The following TCF20 variants were observed in gnomAD, a reference collection of about 807,000 sequenced individuals.
TCF20 encodes the protein SPRE-binding protein.
In TCF20, 3 loss-of-function variants were observed where a neutral mutation model predicts 148.6. The observed-to-expected ratio is 0.02, with a 90% CI of 0.01 to 0.05. The LOEUF (loss-of-function observed/expected upper bound fraction) is 0.05. Among genes scored for constraint, TCF20 ranks in the 10% least tolerant of loss-of-function variants. TCF20 has a pLI of 1.00. For missense variants in TCF20, 2,350 were observed against 2,429.3 expected, an observed-to-expected ratio of 0.97 and a Z score of 0.69; for synonymous variants, 1,049 against 909.5, an observed-to-expected ratio of 1.15 and a Z score of -2.76.
In TCF20 at chr22:42,211,728, C is replaced by A; in HGVS notation, c.3578G>T (p.Arg1193Leu). 1 of 1,614,094 alleles carries A rather than the reference C, an allele frequency of 6.2e-7. No individual in the cohort carries two copies. The highest frequency in any genetic ancestry group is 1.3e-5 in the African/African-American group (1 of 75,014). ...KLQESCWDLS[R>L]QTSPAKSSGP... The stretch of plus-strand genomic sequence containing the variant: ...GCTGCTTTTGGCTGGAGAAGTTTGC[C>A]GAGAAAGATCCCAACAGGATTCTTG... Residue 1193 changes from arginine (R) to leucine (L), a missense_variant, in exon 2 of 6, where the codon CGG becomes CTG. Physicochemically the swap from Arg to Leu is moderately radical, Grantham distance 102. This residue lies in a region of TCF20 where 1,641 missense variants were observed against 1,662.6 expected (regional missense o/e 0.99). Coordinates refer to ENST00000677622, the MANE Select transcript of TCF20 (RefSeq NM_001378418.1).
At chr22:42,244,003 G>C (rs1369564767) in intron 1 of TCF20, among the ~76,000 whole-genome samples, 2 of 151,874 alleles carry the variant, frequency 1.3e-5, no homozygotes, top group Non-Finnish European at 2.9e-5. Flanking sequence ...CCAGGAGTTA[G>C]GAGACCAGCC....
intron 4 of TCF20, among the ~76,000 whole-genome samples, chr22:42,169,020 C>A (rs1160998010): frequency 2.0e-5 from 3 of 151,806 alleles, no homozygotes; most frequent in Non-Finnish European, 2.9e-5. Context: ...TAAAGAAAAG[C>A]ATAAGCAAGC....
At position 42,299,584 on chromosome 22, in the gene TCF20, C is replaced by T. The variant is rs773094563; in HGVS notation, c.-37+43895G>A. Among the ~76,000 whole-genome samples, 47 of 152,170 alleles carry T rather than the reference C, an allele frequency of 3.1e-4. No individual in the cohort carries two copies. The highest frequency in any genetic ancestry group is 9.8e-4 in the Admixed American group (15 of 15,286). Reference sequence around the variant, plus strand: ...GGGGAATCACATGTCCCACTGGTCACCAGTCCCTCTTGCCTTTCTGTCCCA... The same window carrying T: ...GGGGAATCACATGTCCCACTGGTCATCAGTCCCTCTTGCCTTTCTGTCCCA... On this transcript the variant is annotated intron_variant, in intron 1 of 1. Transcript: ENST00000515426. The surrounding 1 kb of genome is among the most constrained non-coding windows in gnomAD (Gnocchi z 4.1).
intron 3 of TCF20, 126 bp from the exon 4 acceptor site, chr22:42,170,022 A>C: frequency 1.2e-6 from 1 of 816,044 alleles, no homozygotes; most frequent in South Asian, 1.6e-5. Context: ...CTAATAGGAA[A>C]ACATTAGAGA....
chr22:42,180,902 A>G (rs569723339), intron 2 of TCF20, among the ~76,000 whole-genome samples: 1 of 152,356 alleles, frequency 6.6e-6, no homozygotes, highest in East Asian at 1.9e-4. Flanking sequence ...AAGGGCTGGA[A>G]GAGATTAGTC....
At chr22:42,170,383 C>T (rs1242712294) in intron 3 of TCF20, among the ~76,000 whole-genome samples, 1 of 150,890 alleles carries the variant, frequency 6.6e-6, no homozygotes, top group Non-Finnish European at 1.5e-5. Context: ...TGGCACTTGC[C>T]TATAGTCCCA....
rs1927285120 is a variant in TCF20, at chr22:42,299,061, G to T, written c.-37+44418C>A. On this transcript the variant is annotated intron_variant, in intron 1 of 1. Transcript: ENST00000515426. The surrounding 1 kb of genome is among the most constrained non-coding windows in gnomAD (Gnocchi z 4.1). ...CATGGCAGTGATGGGTGGGCTCCAAGGGTTCCCACACCCACCGCCTGCCCA... is the reference window on the plus strand; with the variant it reads ...CATGGCAGTGATGGGTGGGCTCCAATGGTTCCCACACCCACCGCCTGCCCA... 6.6e-6 allele frequency among the ~76,000 whole-genome samples: 1 copy of T among 152,222 alleles called. No homozygotes were observed. Among genetic ancestry groups the T allele is most frequent in the Non-Finnish European group, 1.5e-5 (1 of 68,038 alleles).
chr22:42,169,832 G>A lies in TCF20; in HGVS notation c.5799+15C>T, dbSNP rs1237315061. On this transcript the variant is annotated intron_variant, in intron 4 of 5. Transcript: ENST00000677622. The stretch of plus-strand genomic sequence containing the variant: ...ATCCCATCCCTGCTGGTAGCTCTTG[G>A]GGCCTCTGACTCACCTTGTGCTTAG... The A allele has an allele frequency of 1.9e-6, 3 of 1,613,196 alleles. No individual in the cohort carries two copies. Among genetic ancestry groups the A allele is most frequent in the African/African-American group, 1.3e-5 (1 of 74,856 alleles).
chr22:42,235,218 TAAG>T (rs912872984), intron 1 of TCF20, among the ~76,000 whole-genome samples: 1 of 151,236 alleles, frequency 6.6e-6, no homozygotes, highest in African/African-American at 2.4e-5. Context: ...ATAACTATGA[TAAG>T]GAGGGTGCCA....
At chr22:42,293,372 C>T (rs562635483) in intron 1 of TCF20, among the ~76,000 whole-genome samples, 78 of 152,308 alleles carry the variant, frequency 5.1e-4, no homozygotes, top group African/African-American at 1.8e-3. Flanking sequence ...CCCTAGGGCT[C>T]GGCATTCAGA....
intron 1 of TCF20, among the ~76,000 whole-genome samples, chr22:42,268,021 C>T (rs1036865337): frequency 2.0e-5 from 3 of 152,052 alleles, no homozygotes; most frequent in Non-Finnish European, 4.4e-5. Flanking sequence ...TAGTGTATGC[C>T]TCTAATCCCA....
chr22:42,237,960 G>A lies in TCF20; in HGVS notation c.-36-22619C>T, dbSNP rs184097726. Among the ~76,000 whole-genome samples, 563 of 152,276 alleles carry A rather than the reference G, an allele frequency of 3.7e-3. 6 individuals carry two copies. The highest frequency in any genetic ancestry group is 6.8e-3 in the Middle Eastern group (2 of 294). ...AAATTTATGGGCCCTAGAATTATTA[G>A]AATGGTAAATGAGCACTGGCATCAA... On this transcript the variant is annotated intron_variant, in intron 1 of 5. Coordinates refer to ENST00000677622, the MANE Select transcript of TCF20 (RefSeq NM_001378418.1).
intron 1 of TCF20, among the ~76,000 whole-genome samples, chr22:42,241,499 T>C (rs191131943): frequency 1.4e-4 from 22 of 152,338 alleles, no homozygotes; most frequent in Admixed American, 7.8e-4. Flanking sequence ...CAGTAAGATA[T>C]TGGTAAGAAC....
chr22:42,190,898 A>G (rs923034792), intron 2 of TCF20, among the ~76,000 whole-genome samples: 1 of 152,240 alleles, frequency 6.6e-6, no homozygotes, highest in Non-Finnish European at 1.5e-5. Flanking sequence ...ATGAACTTCA[A>G]CTGCAGATAT....
chr22:42,326,837 C>T (rs1399808616), intron 1 of TCF20, among the ~76,000 whole-genome samples: 1 of 152,242 alleles, frequency 6.6e-6, no homozygotes, highest in Admixed American at 6.5e-5. Flanking sequence ...CCACACTTGC[C>T]CGATGCCACA....
intron 1 of TCF20, among the ~76,000 whole-genome samples, chr22:42,306,002 C>G (rs1476186521): frequency 6.6e-6 from 1 of 152,224 alleles, no homozygotes; most frequent in Non-Finnish European, 1.5e-5. Context: ...TTGCCTCCCC[C>G]TCCCCACTGA....
rs139551008 is a variant in TCF20 at position 42,204,592 on chromosome 22, C to A, written c.5655+5059G>T. 5.3e-3 allele frequency among the ~76,000 whole-genome samples: 803 copies of A among 152,288 alleles called. 10 individuals carry two copies. Among genetic ancestry groups the A allele is most frequent in the African/African-American group, 0.019 (773 of 41,562 alleles). ...AGGCACAGTGGCTCAGGCCTGTAAT[C>A]CCAGCACTTTGGGTGGCTGAGGCAG... On this transcript the variant is annotated intron_variant, in intron 2 of 5. Transcript: ENST00000677622.
chr22:42,210,832 G>A lies in TCF20; in HGVS notation c.4474C>T (p.Pro1492Ser). The change falls in exon 2 of 6, where the codon CCA (proline) becomes TCA (serine). Residue 1492 changes from proline to serine, a missense_variant. Transcript: ENST00000677622. The surrounding 1 kb of genome is among the most constrained non-coding windows in gnomAD (Gnocchi z 4.7). Reference sequence around the variant, plus strand: ...ACTGGAGGTACATTCTTTGAGTCTGGAAAGATTAAAGGTGCTGTTCCACCC... The same window carrying A: ...ACTGGAGGTACATTCTTTGAGTCTGAAAAGATTAAAGGTGCTGTTCCACCC... ...SLGGTAPLIF[P>S]DSKNVPPVGI... 4 of 1,614,186 alleles carry A rather than the reference G, an allele frequency of 2.5e-6. No individual in the cohort carries two copies. In the South Asian group the frequency reaches 4.4e-5, roughly 18 times the overall value.
intron 1 of TCF20, among the ~76,000 whole-genome samples, chr22:42,254,308 CCA>C (rs1763960617): frequency 7.6e-6 from 1 of 130,850 alleles, no homozygotes; most frequent in South Asian, 2.7e-4. Context: ...CAGCTCCACT[CCA>C]CTTTCTTTTT....
Sources: gnomAD v4.1 joint callset for allele counts (sites outside exome capture counted in the v4.1 genomes callset) on GRCh38, gnomAD v4.1.1 for gene constraint, gnomAD v4.1.1 regional missense constraint, Gnocchi (gnomAD v3.1) non-coding constraint, MANE v1.5 for transcripts, NCBI Gene and HGNC (gene_info 2026-07-23, HGNC 2026-07-21) for gene names.